Variants in CACNA1D observed in about 807,000 individuals in gnomAD.
CACNA1D encodes the protein calcium voltage-gated channel subunit alpha1 D, also known as voltage-dependent L-type calcium channel subunit alpha-1D.
A neutral mutation model predicts 257.1 loss-of-function variants in CACNA1D; 55 were observed. The ratio of observed to expected loss-of-function variants is 0.21; its 90% CI spans 0.17 to 0.27. The LOEUF is 0.27. Ranked by LOEUF, CACNA1D falls within the 10% of genes least tolerant of loss-of-function variation. The pLI, the probability that CACNA1D is intolerant of heterozygous loss-of-function variation, is 1.00. For synonymous variants in CACNA1D, 980 were observed against 1,014.9 expected (o/e 0.97, Z 0.65); for missense variants, 1,876 against 2,784.0 (o/e 0.67, Z 7.34).
At chr3:53,569,259 G>A (rs1257998487) in intron 3 of CACNA1D, among the ~76,000 whole-genome samples, 1 of 152,142 alleles carries the variant, frequency 6.6e-6, no homozygotes, top group East Asian at 1.9e-4. Context: ...TCCAGTTGAG[G>A]CCTCCCTTCC....
chr3:53,645,269 GTC>G (rs1178007122), intron 3 of CACNA1D, among the ~76,000 whole-genome samples: 1 of 152,104 alleles, frequency 6.6e-6, no homozygotes. Flanking sequence ...TTCATAGGTT[GTC>G]TCTTTATTCT....
intron 37 of CACNA1D, 50 bp from the exon 38 acceptor site, chr3:53,779,976 C>G: frequency 1.7e-6 from 2 of 1,199,336 alleles, no homozygotes; most frequent in Non-Finnish European, 2.5e-6. Context: ...AGGATATGGT[C>G]GTGGTCACTC....
At chr3:53,775,726 C>T (rs548978337) in intron 34 of CACNA1D, among the ~76,000 whole-genome samples, 160 bp from the exon 35 acceptor site, 4 of 152,234 alleles carry the variant, frequency 2.6e-5, no homozygotes, top group South Asian at 2.1e-4. Flanking sequence ...ATAAGTTGCA[C>T]GTGAAAATCA....
intron 3 of CACNA1D, among the ~76,000 whole-genome samples, chr3:53,550,189 G>A (rs564167488): frequency 1.3e-5 from 2 of 152,310 alleles, no homozygotes; most frequent in East Asian, 1.9e-4. Context: ...ACCAGGGCAC[G>A]TGGGAGCAGT....
chr3:53,762,219 T>A (rs1198160201), intron 30 of CACNA1D, 138 bp downstream of exon 30: 2 of 722,482 alleles, frequency 2.8e-6, no homozygotes, highest in African/African-American at 3.5e-5. Flanking sequence ...GATTTCCTAA[T>A]GAGAGCTGTA....
At position 53,708,511 on chromosome 3, in the gene CACNA1D, C is replaced by T. The variant is rs149850490; in HGVS notation, c.1390+5701C>T. On this transcript the variant is annotated intron_variant, in intron 9 of 47. Coordinates refer to ENST00000350061, the MANE Select transcript of CACNA1D (RefSeq NM_001128840.3). The stretch of plus-strand genomic sequence containing the variant: ...AGTTGTCTGGACAGGCAGACTCTCT[C>T]CACAGGGGTGATAGAAAGCAGTGGT... 1.8e-3 allele frequency among the ~76,000 whole-genome samples: 278 copies of T among 152,264 alleles called. 1 individual carries two copies. Among genetic ancestry groups the T allele is most frequent in the African/African-American group, 6.4e-3 (265 of 41,524 alleles).
At position 53,589,877 on chromosome 3, in the gene CACNA1D, G is replaced by A. The variant is rs1011406384; in HGVS notation, c.484-60902G>A. Reference sequence around the variant, plus strand: ...ATCCACTTCCACTTGCATACCCTGGGCCTCATGGTTTGGGTGGCTGTTTCA... The same window carrying A: ...ATCCACTTCCACTTGCATACCCTGGACCTCATGGTTTGGGTGGCTGTTTCA... On this transcript the variant is annotated intron_variant, in intron 3 of 47. Transcript: ENST00000350061. Among the ~76,000 whole-genome samples the A allele has an allele frequency of 8.1e-4, 124 of 152,256 alleles. 1 individual carries two copies. The highest frequency in any genetic ancestry group is 8.1e-3 in the Admixed American group (124 of 15,282).
chr3:53,575,397 G>A (rs2093019705), intron 3 of CACNA1D, among the ~76,000 whole-genome samples: 2 of 152,174 alleles, frequency 1.3e-5, no homozygotes, highest in African/African-American at 4.8e-5. Flanking sequence ...TGGGGGCATG[G>A]TTCCAGGAAG....
At chr3:53,795,969 T>A (rs2095505882) in intron 40 of CACNA1D, among the ~76,000 whole-genome samples, 1 of 152,154 alleles carries the variant, frequency 6.6e-6, no homozygotes, top group African/African-American at 2.4e-5. Context: ...ACCCTTTATA[T>A]CTGACACAAG....
chr3:53,691,831 A>G (rs1251334013), intron 8 of CACNA1D, among the ~76,000 whole-genome samples: 1 of 87,242 alleles, frequency 1.1e-5, no homozygotes, highest in Non-Finnish European at 2.2e-5. Context: ...TATATCTATA[A>G]TATATATTAC....
chr3:53,681,974 G>T (rs1235517852), intron 8 of CACNA1D, among the ~76,000 whole-genome samples: 2 of 152,174 alleles, frequency 1.3e-5, no homozygotes, highest in Non-Finnish European at 2.9e-5. Context: ...AACTGGGAGA[G>T]CTGGAGATGA....
intron 3 of CACNA1D, among the ~76,000 whole-genome samples, chr3:53,547,045 CA>C (rs1385471092): frequency 6.6e-6 from 1 of 151,946 alleles, no homozygotes; most frequent in South Asian, 2.1e-4. Flanking sequence ...CCATGCCATG[CA>C]AAAAAAGAGG....
intron 16 of CACNA1D, 100 bp downstream of exon 16, chr3:53,730,656 A>C: frequency 3.4e-6 from 3 of 893,058 alleles, no homozygotes; most frequent in Non-Finnish European, 5.5e-6. Context: ...CGGCAGCTGC[A>C]GCCCCCGGGT....
intron 8 of CACNA1D, chr3:53,679,269 T>TAAAAAAAAAAAAAAAAAAAAA: frequency 1.6e-4 from 1 of 6,372 alleles, no homozygotes; most frequent in Admixed American, 3.0e-3. Flanking sequence ...AAACTCCATC[T>TAAAAAAAAAAAAAAAAAAAAA]CAAAAAAAAA....
At chr3:53,526,271 G>T (rs2091761540) in intron 3 of CACNA1D, among the ~76,000 whole-genome samples, 1 of 152,224 alleles carries the variant, frequency 6.6e-6, no homozygotes, top group Admixed American at 6.5e-5. Context: ...GCTAAGAATG[G>T]AAAGAGAGTC....
intron 3 of CACNA1D, among the ~76,000 whole-genome samples, chr3:53,624,416 C>T (rs924990918): frequency 6.6e-6 from 1 of 152,220 alleles, no homozygotes; most frequent in Non-Finnish European, 1.5e-5. Flanking sequence ...ACAACACAAG[C>T]CTGAGCCCTC....
chr3:53,801,569 G>T, intron 42 of CACNA1D, 144 bp downstream of exon 42: 2 of 1,061,588 alleles, frequency 1.9e-6, no homozygotes, highest in Non-Finnish European at 2.9e-6. Context: ...ATCTGTGAGT[G>T]CCCCCCAGGT....
intron 22 of CACNA1D, among the ~76,000 whole-genome samples, chr3:53,744,122 G>A (rs1182322339): frequency 6.6e-6 from 1 of 152,106 alleles, no homozygotes; most frequent in South Asian, 2.1e-4. Flanking sequence ...TGTACATGCT[G>A]CTCCCTCACA....
intron 8 of CACNA1D, 61 bp from the exon 9 acceptor site, chr3:53,702,580 G>A: frequency 6.4e-7 from 1 of 1,550,866 alleles, no homozygotes; most frequent in South Asian, 1.1e-5. Flanking sequence ...TAGGGCAGTG[G>A]CTCAGGATGC....
Sources: gnomAD v4.1 joint callset for allele counts (sites outside exome capture counted in the v4.1 genomes callset) on GRCh38, gnomAD v4.1.1 for gene constraint, MANE v1.5 for transcripts, NCBI Gene and HGNC (gene_info 2026-07-23, HGNC 2026-07-21) for gene names.